INTS9: variants seen among roughly 807,000 people sequenced by gnomAD.
The protein encoded by INTS9 is protein related to CPSF subunits of 74 kDa.
INTS9 carries 55 observed loss-of-function variants against 79.7 expected under a neutral mutation model. That is an observed-to-expected ratio of 0.69 (90% CI 0.56 to 0.86). The LOEUF (loss-of-function observed/expected upper bound fraction) is 0.86, where lower values mean the gene tolerates loss of function less well. Among genes scored for constraint, INTS9 ranks in the 40% least tolerant of loss-of-function variants. The pLI, the probability that INTS9 is intolerant of heterozygous loss-of-function variation, is 0.00. For synonymous variants in INTS9, 319 were observed against 325.2 expected (o/e 0.98, Z 0.20); for missense variants, 721 against 831.5 (o/e 0.87, Z 1.64).
chr8:28,859,546 G>A lies in INTS9; in HGVS notation c.27C>T (p.His9=). ...TGAGCACATTGCATGGTAAGGTTGG[G>A]TGCCCTGACAGGCAATACTGAAAAA... MKLYCLSG[H]PTLPCNVLKF... is the part of the protein sequence containing the mutation. Residue 9 remains histidine (H), a synonymous_variant, in exon 2 of 17, where the codon CAC becomes CAT. Transcript: ENST00000521022. 1 of 1,614,110 alleles carries A rather than the reference G, an allele frequency of 6.2e-7. No homozygotes were observed. The highest frequency in any genetic ancestry group is 1.1e-5 in the South Asian group (1 of 91,072).
intron 8 of INTS9, among the ~76,000 whole-genome samples, chr8:28,800,682 G>A (rs1384382204): frequency 2.0e-5 from 3 of 152,092 alleles, no homozygotes; most frequent in Non-Finnish European, 2.9e-5. Flanking sequence ...CCTGCACCCT[G>A]GAGAAAAGTT....
chr8:28,878,678 AC>A (rs1425483522), intron 1 of INTS9, among the ~76,000 whole-genome samples: 7 of 149,262 alleles, frequency 4.7e-5, no homozygotes, highest in Non-Finnish European at 4.4e-5. Context: ...TGTATAGTTT[AC>A]TTAAAAAAAA....
chr8:28,794,912 A>G (rs1804112985), intron 9 of INTS9, among the ~76,000 whole-genome samples: 1 of 152,214 alleles, frequency 6.6e-6, no homozygotes, highest in South Asian at 2.1e-4. Context: ...TTTCAAGCCT[A>G]AAGTTCTTTG....
chr8:28,854,511 A>C (rs1808036412), intron 2 of INTS9, among the ~76,000 whole-genome samples: 1 of 152,144 alleles, frequency 6.6e-6, no homozygotes, highest in Admixed American at 6.5e-5. Context: ...AGAAGAAGGA[A>C]ACAGGGAAGA....
At chr8:28,773,948 T>G (rs1052854883) in intron 14 of INTS9, among the ~76,000 whole-genome samples, 1 of 152,198 alleles carries the variant, frequency 6.6e-6, no homozygotes, top group African/African-American at 2.4e-5. Flanking sequence ...AGCCTCCAAG[T>G]AGCTGGGATT....
intron 4 of INTS9, among the ~76,000 whole-genome samples, chr8:28,841,817 G>A (rs968067360): frequency 1.3e-5 from 2 of 152,218 alleles, no homozygotes; most frequent in Non-Finnish European, 1.5e-5. Context: ...CAGATGTGGT[G>A]GCTCATGCCT....
chr8:28,859,666 G>T, intron 1 of INTS9, 103 bp from the exon 2 acceptor site: 1 of 1,285,024 alleles, frequency 7.8e-7, no homozygotes, highest in Non-Finnish European at 1.1e-6. Flanking sequence ...TAAGACCAGC[G>T]TGTTAAGTTC....
At position 28,837,917 on chromosome 8, in the gene INTS9, C is replaced by T. The variant is rs1424044939; in HGVS notation, c.262-141G>A. On this transcript the variant is annotated intron_variant, in intron 4 of 16. Coordinates refer to ENST00000521022, the MANE Select transcript of INTS9 (RefSeq NM_018250.4). ...ATGGCTTTCCTGCAACACTGCCATT[C>T]TCTCATTTGAAGAGGTTTTCTACAC... 9 of 829,486 alleles carry T rather than the reference C, an allele frequency of 1.1e-5. No homozygotes were observed. In the Admixed American group the frequency reaches 2.2e-4, roughly 20 times the overall value. The allele number at this position is 829,486 out of a possible 1,614,324, so 51.4% of individuals were successfully genotyped here. A position where few individuals can be genotyped will look rare whatever the true frequency, so the allele number is the denominator to read the frequency against.
chr8:28,858,154 G>A (rs1014531316), intron 2 of INTS9, among the ~76,000 whole-genome samples: 1 of 152,134 alleles, frequency 6.6e-6, no homozygotes, highest in Non-Finnish European at 1.5e-5. Flanking sequence ...CCACAGAGCA[G>A]GTTGGGCTCC....
chr8:28,791,937 A>G (rs1803941573), intron 10 of INTS9, among the ~76,000 whole-genome samples: 1 of 152,248 alleles, frequency 6.6e-6, no homozygotes, highest in African/African-American at 2.4e-5. Flanking sequence ...GGACTCAAAA[A>G]GATATTCTGA....
At chr8:28,881,466 G>C (rs1232283996) in intron 1 of INTS9, among the ~76,000 whole-genome samples, 1 of 113,014 alleles carries the variant, frequency 8.8e-6, no homozygotes, top group African/African-American at 3.2e-5. Context: ...CGCCCCGTCC[G>C]GGAGGGGGGA....
chr8:28,814,284 TCACA>T (rs60850682), intron 6 of INTS9, among the ~76,000 whole-genome samples: 11,870 of 134,088 alleles, frequency 0.089, 533 homozygotes, highest in East Asian at 0.14. Flanking sequence ...ACAGGGCTTC[TCACA>T]CACACACACA....
At chr8:28,768,702 C>T (rs1384649915) in intron 16 of INTS9, among the ~76,000 whole-genome samples, 1 of 152,214 alleles carries the variant, frequency 6.6e-6, no homozygotes, top group Non-Finnish European at 1.5e-5. Flanking sequence ...CCAAGATACC[C>T]CTGTGGGACT....
intron 5 of INTS9, among the ~76,000 whole-genome samples, chr8:28,836,323 T>C (rs1806803669): frequency 6.6e-6 from 1 of 152,138 alleles, no homozygotes; most frequent in Admixed American, 6.5e-5. Context: ...TACACAGGCT[T>C]TGGGGATTCA....
chr8:28,853,753 A>C (rs1341873938), intron 2 of INTS9, among the ~76,000 whole-genome samples: 2 of 152,058 alleles, frequency 1.3e-5, no homozygotes, highest in Non-Finnish European at 2.9e-5. Flanking sequence ...GAGAAGATTG[A>C]ACATTATACG....
chr8:28,814,334 A>ACACT (rs1554500237), intron 6 of INTS9, among the ~76,000 whole-genome samples: 89 of 139,288 alleles, frequency 6.4e-4, no homozygotes, highest in African/African-American at 2.2e-3. Flanking sequence ...ACACACACAC[A>ACACT]CTCTCACACA....
chr8:28,870,245 GATCA>G (rs1310556185), intron 1 of INTS9, among the ~76,000 whole-genome samples: 16 of 148,290 alleles, frequency 1.1e-4, no homozygotes, highest in African/African-American at 4.0e-4. Context: ...GCGAGTGGTT[GATCA>G]TACTGGAACT....
chr8:28,812,508 G>C (rs1805210959), intron 7 of INTS9, 47 bp from the exon 8 acceptor site: 1 of 1,572,124 alleles, frequency 6.4e-7, no homozygotes, highest in Non-Finnish European at 8.6e-7. Flanking sequence ...TACAGTGACA[G>C]TCACATGAGG....
intron 6 of INTS9, among the ~76,000 whole-genome samples, chr8:28,834,969 G>A (rs557912305): frequency 1.3e-5 from 2 of 152,196 alleles, no homozygotes; most frequent in East Asian, 1.9e-4. Context: ...GAGTCACCGC[G>A]CCTAGCTGGC....
Sources: allele counts gnomAD v4.1 joint callset (sites outside exome capture counted in the v4.1 genomes callset), GRCh38; gene constraint gnomAD v4.1.1; transcripts MANE v1.5; gene names NCBI Gene and HGNC (gene_info 2026-07-23, HGNC 2026-07-21).